The following FBXW8 variants were observed in gnomAD, a reference collection of about 807,000 sequenced individuals.
FBXW8 encodes F-box and WD repeat domain containing 8.
In FBXW8, 57 loss-of-function variants were observed where a neutral mutation model predicts 65.3. The ratio of observed to expected loss-of-function variants is 0.87; its 90% CI spans 0.71 to 1.09. The LOEUF (loss-of-function observed/expected upper bound fraction) is 1.09, where lower values mean the gene tolerates loss of function less well. FBXW8 is among the 50% of genes least tolerant of loss of function. FBXW8 has a pLI of 0.00. For synonymous variants in FBXW8, 308 were observed against 330.2 expected (o/e 0.93, Z 0.73); for missense variants, 777 against 814.8 (o/e 0.95, Z 0.57).
At chr12:117,027,572 C>G (rs79584871) in intron 10 of FBXW8, 68 bp downstream of exon 10, 239 of 1,203,516 alleles carry the variant, frequency 2.0e-4, no homozygotes, top group Non-Finnish European at 2.7e-4. Flanking sequence ...CCCACCCCCC[C>G]CGCCGTGACA....
rs1320512206 is a variant in FBXW8, at chr12:116,918,102, G to A, written c.318+6747G>A. Among the ~76,000 whole-genome samples, 5 of 152,234 alleles carry A rather than the reference G, an allele frequency of 3.3e-5. No homozygotes were observed. In the South Asian group the frequency reaches 8.3e-4, roughly 25 times the overall value. On this transcript the variant is annotated intron_variant, in intron 1 of 10. Coordinates refer to ENST00000652555, the MANE Select transcript of FBXW8 (RefSeq NM_153348.3). ...CCATCTCTTTTTAGGTGATGAGTTG[G>A]GAATACCTCAGTTGGCACCTGATAG...
At chr12:116,933,368 G>A (rs914093490) in intron 2 of FBXW8, among the ~76,000 whole-genome samples, 55 of 152,366 alleles carry the variant, frequency 3.6e-4, no homozygotes, top group African/African-American at 1.3e-3. Flanking sequence ...AGAGAGCCAT[G>A]TGGCTTTCAC....
chr12:116,917,543 A>G (rs1483387689), intron 1 of FBXW8, among the ~76,000 whole-genome samples: 1 of 152,220 alleles, frequency 6.6e-6, no homozygotes, highest in Admixed American at 6.5e-5. Flanking sequence ...CCTCCACTTC[A>G]GAGTCTTCAG....
intron 5 of FBXW8, among the ~76,000 whole-genome samples, chr12:116,981,828 G>C (rs1467647521): frequency 3.3e-5 from 5 of 152,132 alleles, no homozygotes. Flanking sequence ...TGGCCAGACT[G>C]GTCTCAAACT....
At position 116,961,999 on chromosome 12, in the gene FBXW8, C is replaced by CA. The variant is rs1336271389; in HGVS notation, c.678-2697dup. On this transcript the variant is annotated intron_variant, in intron 4 of 10. Coordinates refer to ENST00000652555, the MANE Select transcript of FBXW8 (RefSeq NM_153348.3). The surrounding 1 kb of genome is among the most constrained non-coding windows in gnomAD (Gnocchi z 4.4). ...AATGAGCAGAACAGAACAAGCTTGG[C>CA]ACCTGAGCATCTATAGTGGTGCGGG... Among the ~76,000 whole-genome samples the CA allele has an allele frequency of 2.0e-5, 3 of 152,100 alleles. No homozygotes were observed. Among genetic ancestry groups the CA allele is most frequent in the African/African-American group, 2.4e-5 (1 of 41,402 alleles).
intron 5 of FBXW8, chr12:116,978,688 G>A (rs367798347): frequency 1.3e-5 from 2 of 152,152 alleles, no homozygotes; most frequent in African/African-American, 2.4e-5. Context: ...AACCACTAAA[G>A]ACCACAAGAC....
intron 1 of FBXW8, among the ~76,000 whole-genome samples, chr12:116,918,974 T>C (rs113130587): frequency 1.3e-5 from 2 of 152,252 alleles, no homozygotes; most frequent in East Asian, 1.9e-4. Flanking sequence ...TGTTTTTTTT[T>C]CCTATATACA....
intron 4 of FBXW8, among the ~76,000 whole-genome samples, chr12:116,953,282 C>T (rs1222527372): frequency 6.6e-6 from 1 of 152,066 alleles, no homozygotes; most frequent in Non-Finnish European, 1.5e-5. Context: ...CCAAGACCCT[C>T]ATCTTGCTTG....
chr12:117,012,499 G>A (rs2135712116), intron 8 of FBXW8, among the ~76,000 whole-genome samples: 1 of 152,022 alleles, frequency 6.6e-6, no homozygotes, highest in Middle Eastern at 3.4e-3. Flanking sequence ...AGAATATAGG[G>A]GTTTAAAATC....
At chr12:116,976,985 C>G (rs118117321) in intron 5 of FBXW8, among the ~76,000 whole-genome samples, 8,323 of 152,264 alleles carry the variant, frequency 0.055, 292 homozygotes, top group Non-Finnish European at 0.08. Context: ...GTGATCCACT[C>G]TGGGCACAGG....
At position 116,961,266 on chromosome 12, in the gene FBXW8, T is replaced by C. The variant is rs1050196221; in HGVS notation, c.678-3431T>C. ...CCCTGCCCTCAGCCTCCCAAAGTGC[T>C]GGGATTACAGGCATGAGCCACCGTG... On this transcript the variant is annotated intron_variant, in intron 4 of 10. Coordinates refer to ENST00000652555, the MANE Select transcript of FBXW8 (RefSeq NM_153348.3). The surrounding 1 kb of genome is among the most constrained non-coding windows in gnomAD (Gnocchi z 4.4). Among the ~76,000 whole-genome samples the C allele has an allele frequency of 5.3e-5, 8 of 152,206 alleles. No homozygotes were observed. The highest frequency in any genetic ancestry group is 1.0e-4 in the Non-Finnish European group (7 of 68,028).
chr12:116,942,247 A>G (rs893490221), intron 2 of FBXW8, among the ~76,000 whole-genome samples: 1 of 150,880 alleles, frequency 6.6e-6, no homozygotes, highest in African/African-American at 2.4e-5. Context: ...GTGTGGCCTC[A>G]ACTCATTGAG....
chr12:116,974,808 C>A (rs990455643), intron 5 of FBXW8, among the ~76,000 whole-genome samples: 12 of 152,210 alleles, frequency 7.9e-5, no homozygotes, highest in Non-Finnish European at 1.2e-4. Context: ...ATTTTGGTTT[C>A]TAAATGTTCT....
chr12:116,944,801 C>G (rs557891357), intron 2 of FBXW8, among the ~76,000 whole-genome samples: 3 of 152,302 alleles, frequency 2.0e-5, no homozygotes, highest in African/African-American at 7.2e-5. Flanking sequence ...TAGATCTAAT[C>G]TTACAGTCCT....
In FBXW8 at chr12:117,010,329, G is replaced by A. The variant is rs1953773055; in HGVS notation, c.1246G>A (p.Val416Met). The A allele has an allele frequency of 6.2e-7, 1 of 1,614,214 alleles. No homozygotes were observed. Among genetic ancestry groups the A allele is most frequent in the Non-Finnish European group, 8.5e-7 (1 of 1,180,040 alleles). ...GWVYEGSKIL[V>M]YSLEAGRRLL... ...ATTTCTCTTCCTCTCTCAGATCCTG[G>A]TGTATAGCCTGGAAGCAGGACGCCG... The change falls in exon 8 of 11, where the codon GTG becomes ATG. Residue 416 changes from valine to methionine, a missense_variant. Val to Met is a conservative substitution (Grantham distance 21, BLOSUM62 1). Transcript: ENST00000652555.
intron 5 of FBXW8, among the ~76,000 whole-genome samples, chr12:116,983,280 C>A (rs532854734): frequency 6.6e-6 from 1 of 152,314 alleles, no homozygotes; most frequent in East Asian, 1.9e-4. Context: ...GCATTTTCTG[C>A]AGCATATTTT....
At chr12:117,007,249 T>TCC (rs1189945125) in intron 7 of FBXW8, among the ~76,000 whole-genome samples, 2 of 151,006 alleles carry the variant, frequency 1.3e-5, no homozygotes, top group African/African-American at 5.0e-5. Context: ...GGAAATACTT[T>TCC]AAGATCTCTA....
chr12:117,008,746 G>A (rs1030977342), intron 7 of FBXW8, among the ~76,000 whole-genome samples: 5 of 152,022 alleles, frequency 3.3e-5, no homozygotes, highest in African/African-American at 7.3e-5. Flanking sequence ...AAGAAGAAAC[G>A]CACATCACTC....
At chr12:116,929,441 G>A (rs1436771688) in intron 2 of FBXW8, among the ~76,000 whole-genome samples, 2 of 151,626 alleles carry the variant, frequency 1.3e-5, no homozygotes, top group Middle Eastern at 6.3e-3. Flanking sequence ...TGTCATGTTG[G>A]CCAGGCTGGT....
Sources: allele counts gnomAD v4.1 joint callset (sites outside exome capture counted in the v4.1 genomes callset), GRCh38; gene constraint gnomAD v4.1.1; non-coding constraint Gnocchi (gnomAD v3.1); transcripts MANE v1.5; gene names NCBI Gene and HGNC (gene_info 2026-07-23, HGNC 2026-07-21).